Variants in SORCS2 observed in about 807,000 individuals in gnomAD.
The protein encoded by SORCS2 is VPS10 domain-containing receptor SorCS2.
In SORCS2, 100 loss-of-function variants were observed where a neutral mutation model predicts 141.6. That is an observed-to-expected ratio of 0.71 (90% CI 0.60 to 0.83). The LOEUF (loss-of-function observed/expected upper bound fraction) is 0.83, where lower values mean the gene tolerates loss of function less well. Among genes scored for constraint, SORCS2 ranks in the 40% least tolerant of loss-of-function variants. The pLI is 0.00. For missense variants in SORCS2, 1,646 were observed against 1,560.2 expected (o/e 1.05, Z -0.93); for synonymous variants, 789 against 676.9 (o/e 1.17, Z -2.57).
intron 12 of SORCS2, among the ~76,000 whole-genome samples, chr4:7,697,573 C>T (rs913260789): frequency 6.6e-6 from 1 of 152,178 alleles, no homozygotes; most frequent in Non-Finnish European, 1.5e-5. Context: ...CGTGTCACTG[C>T]GAACATCTGA....
At chr4:7,480,758 C>T (rs921257959) in intron 2 of SORCS2, among the ~76,000 whole-genome samples, 37 of 152,236 alleles carry the variant, frequency 2.4e-4, no homozygotes, top group Admixed American at 1.8e-3. Context: ...CCCCTCCACC[C>T]GCCCCAGGCT....
chr4:7,624,663 A>G (rs1039512295), intron 3 of SORCS2, among the ~76,000 whole-genome samples: 2 of 152,252 alleles, frequency 1.3e-5, no homozygotes, highest in Admixed American at 6.5e-5. Flanking sequence ...GGGCAGATAA[A>G]TGAACAAATT....
chr4:7,618,675 T>C (rs1406213393), intron 3 of SORCS2, among the ~76,000 whole-genome samples: 1 of 152,142 alleles, frequency 6.6e-6, no homozygotes, highest in Non-Finnish European at 1.5e-5. Context: ...TAGGAGGCTT[T>C]TCTGCCTCAG....
chr4:7,663,871 A>G lies in SORCS2; in HGVS notation c.953-482A>G, dbSNP rs1722336089. 6.6e-6 allele frequency among the ~76,000 whole-genome samples: 1 copy of G among 152,166 alleles called. No individual in the cohort carries two copies. Among genetic ancestry groups the G allele is most frequent in the Non-Finnish European group, 1.5e-5 (1 of 68,032 alleles). Reference sequence around the variant, plus strand: ...ACATAAATTTGCCCCGGGGAAACAGAAGAACTTCAAATTAGCAGCTCCCTG... The same window carrying G: ...ACATAAATTTGCCCCGGGGAAACAGGAGAACTTCAAATTAGCAGCTCCCTG... On this transcript the variant is annotated intron_variant, in intron 6 of 26. Coordinates refer to ENST00000507866, the MANE Select transcript of SORCS2 (RefSeq NM_020777.3). This position sits in a 1 kb window ranked among gnomAD's most constrained non-coding sequence, Gnocchi z 4.8.
chr4:7,593,236 G>A (rs189378293), intron 3 of SORCS2, among the ~76,000 whole-genome samples: 5 of 152,236 alleles, frequency 3.3e-5, no homozygotes, highest in African/African-American at 7.2e-5. Flanking sequence ...GTGGAGCCTC[G>A]GGAGTCCCAG....
chr4:7,740,166 T>G (rs770016219), intron 26 of SORCS2, 34 bp from the exon 27 acceptor site: 84 of 1,585,192 alleles, frequency 5.3e-5, no homozygotes, highest in Non-Finnish European at 7.1e-5. Context: ...CCCGGGCTTG[T>G]GCTCACGGGA....
intron 1 of SORCS2, among the ~76,000 whole-genome samples, chr4:7,359,526 C>T (rs562554790): frequency 9.2e-4 from 140 of 152,302 alleles, no homozygotes; most frequent in African/African-American, 3.0e-3. Flanking sequence ...GAAGCCATGG[C>T]GGGATCTAAA....
chr4:7,301,835 G>T lies in SORCS2; in HGVS notation c.481-94453G>T, dbSNP rs557671626. Among the ~76,000 whole-genome samples the T allele has an allele frequency of 1.1e-3, 164 of 152,348 alleles. 1 individual carries two copies. The highest frequency in any genetic ancestry group is 1.8e-3 in the Non-Finnish European group (122 of 68,030). On this transcript the variant is annotated intron_variant, in intron 1 of 26. Coordinates refer to ENST00000507866, the MANE Select transcript of SORCS2 (RefSeq NM_020777.3). ...ACATTCTCCTGAGCTGGAAGGACGG[G>T]GTTAACACTAAGGTTCCGTTCTCCT... is the stretch of plus-strand genomic sequence containing the variant.
intron 2 of SORCS2, among the ~76,000 whole-genome samples, chr4:7,460,979 T>A (rs1213145008): frequency 1.3e-5 from 2 of 152,114 alleles, no homozygotes; most frequent in Non-Finnish European, 2.9e-5. Context: ...TCTCTTTCCA[T>A]CATCCTCGTG....
intron 3 of SORCS2, among the ~76,000 whole-genome samples, chr4:7,592,900 T>C (rs951474517): frequency 2.6e-5 from 4 of 152,242 alleles, no homozygotes; most frequent in Non-Finnish European, 4.4e-5. Context: ...AAGCAAATGC[T>C]AATAATTTCT....
At chr4:7,523,711 T>A (rs1733486133) in intron 2 of SORCS2, among the ~76,000 whole-genome samples, 1 of 152,136 alleles carries the variant, frequency 6.6e-6, no homozygotes, top group South Asian at 2.1e-4. Flanking sequence ...CAGGCCGCTG[T>A]TATGTGATTG....
chr4:7,284,100 C>T (rs553912979), intron 1 of SORCS2, among the ~76,000 whole-genome samples: 32 of 152,250 alleles, frequency 2.1e-4, no homozygotes, highest in Middle Eastern at 6.8e-3. Flanking sequence ...TGCAGGATTG[C>T]GCCCAGGGAA....
intron 3 of SORCS2, among the ~76,000 whole-genome samples, chr4:7,561,398 A>G (rs1430986219): frequency 6.6e-6 from 1 of 152,096 alleles, no homozygotes; most frequent in East Asian, 1.9e-4. Context: ...CCATACATCC[A>G]TCTACCCATC....
intron 2 of SORCS2, among the ~76,000 whole-genome samples, chr4:7,425,358 C>G (rs577550236): frequency 6.6e-6 from 1 of 152,262 alleles, no homozygotes; most frequent in Admixed American, 6.5e-5. Flanking sequence ...GAGATGACCC[C>G]GATAAAGGGC....
rs112997534 is a variant in SORCS2, at chr4:7,537,156, C to T, written c.648+5527C>T. Among the ~76,000 whole-genome samples, 806 of 152,324 alleles carry T rather than the reference C, an allele frequency of 5.3e-3. 2 individuals are homozygous for T. Among genetic ancestry groups the T allele is most frequent in the Non-Finnish European group, 9.4e-3 (642 of 68,016 alleles). On this transcript the variant is annotated intron_variant, in intron 3 of 26. Transcript: ENST00000507866. ...CAGCAGCTCCTTACTGCACACCGGG[C>T]GCAGTCTGGGGGCTGCTGAGCTGTG...
At chr4:7,418,379 A>G (rs1036349506) in intron 2 of SORCS2, among the ~76,000 whole-genome samples, 1 of 152,000 alleles carries the variant, frequency 6.6e-6, no homozygotes, top group African/African-American at 2.4e-5. Flanking sequence ...GCCTGGGGGA[A>G]GTGCTCTCCC....
At chr4:7,480,203 G>C (rs1449231391) in intron 2 of SORCS2, among the ~76,000 whole-genome samples, 3 of 152,222 alleles carry the variant, frequency 2.0e-5, no homozygotes, top group Non-Finnish European at 4.4e-5. Context: ...GCAGGGACAT[G>C]TCTGTGACCA....
At chr4:7,417,686 G>C (rs1349691467) in intron 2 of SORCS2, among the ~76,000 whole-genome samples, 1 of 146,616 alleles carries the variant, frequency 6.8e-6, no homozygotes, top group African/African-American at 2.8e-5. Context: ...CACTTCCCCT[G>C]ACCCTGCTGG....
At chr4:7,463,600 A>G (rs1017395666) in intron 2 of SORCS2, among the ~76,000 whole-genome samples, 1 of 152,156 alleles carries the variant, frequency 6.6e-6, no homozygotes, top group African/African-American at 2.4e-5. Flanking sequence ...AAAACAATCA[A>G]CGCTGGAGGC....
Sources: gnomAD v4.1 joint callset for allele counts (sites outside exome capture counted in the v4.1 genomes callset) on GRCh38, gnomAD v4.1.1 for gene constraint, Gnocchi (gnomAD v3.1) non-coding constraint, MANE v1.5 for transcripts, NCBI Gene and HGNC (gene_info 2026-07-23, HGNC 2026-07-21) for gene names.